Variants in LAMA1 observed in about 807,000 individuals in gnomAD.
The protein encoded by LAMA1 is laminin subunit alpha 1.
LAMA1 carries 219 observed loss-of-function variants against 348.7 expected under a neutral mutation model. That is an observed-to-expected ratio of 0.63 (90% CI 0.56 to 0.70). LAMA1 has a LOEUF of 0.70. Among genes scored for constraint, LAMA1 ranks in the 30% least tolerant of loss-of-function variants. The pLI is 0.00. For missense variants in LAMA1, 3,744 were observed against 3,888.0 expected, an observed-to-expected ratio of 0.96 and a Z score of 0.99; for synonymous variants, 1,487 against 1,491.0, an observed-to-expected ratio of 1.00 and a Z score of 0.06.
chr18:6,948,050 G>T (rs2057530100), intron 60 of LAMA1, among the ~76,000 whole-genome samples: 1 of 152,210 alleles, frequency 6.6e-6, no homozygotes, highest in Non-Finnish European at 1.5e-5. Flanking sequence ...CCTGGCGCCA[G>T]CTGGTCTAGA....
At chr18:7,029,988 A>AAC (rs2057961316) in intron 16 of LAMA1, among the ~76,000 whole-genome samples, 1 of 151,924 alleles carries the variant, frequency 6.6e-6, no homozygotes, top group Non-Finnish European at 1.5e-5. Flanking sequence ...AAAAAAAAAA[A>AAC]CCAGCAAGGT....
intron 8 of LAMA1, 114 bp downstream of exon 8, chr18:7,043,113 G>A (rs1434091659): frequency 9.2e-6 from 9 of 978,130 alleles, no homozygotes; most frequent in Non-Finnish European, 9.8e-6. Flanking sequence ...GGCATAACAA[G>A]GATATAAATG....
At chr18:7,085,089 A>G (rs2058209239) in intron 1 of LAMA1, among the ~76,000 whole-genome samples, 1 of 152,144 alleles carries the variant, frequency 6.6e-6, no homozygotes, top group South Asian at 2.1e-4. Flanking sequence ...ATCCATACTC[A>G]AAATCAAGGT....
At chr18:7,095,152 C>G (rs1265482167) in intron 1 of LAMA1, among the ~76,000 whole-genome samples, 1 of 111,398 alleles carries the variant, frequency 9.0e-6, no homozygotes, top group Non-Finnish European at 1.9e-5. Flanking sequence ...CTCTCTCTCT[C>G]TCTCTCCTCT....
intron 19 of LAMA1, among the ~76,000 whole-genome samples, chr18:7,020,548 T>C (rs2057910893): frequency 6.6e-6 from 1 of 152,152 alleles, no homozygotes; most frequent in African/African-American, 2.4e-5. Context: ...CACAGGACTT[T>C]GTCTCATCGA....
chr18:7,025,705 A>C (rs2057939482), intron 17 of LAMA1, among the ~76,000 whole-genome samples: 1 of 152,130 alleles, frequency 6.6e-6, no homozygotes, highest in Admixed American at 6.5e-5. Flanking sequence ...GACAACATAT[A>C]CTTGTGAAAC....
At chr18:7,043,980 C>A (rs2058031529) in intron 7 of LAMA1, among the ~76,000 whole-genome samples, 1 of 151,700 alleles carries the variant, frequency 6.6e-6, no homozygotes, top group Non-Finnish European at 1.5e-5. Context: ...ACAGTGAAAC[C>A]CCGTCTCTAC....
Position 7,046,486 on chromosome 18 carries a change from TA to T in LAMA1, c.769-120del, listed in dbSNP as rs1210474103. The T allele has an allele frequency of 3.3e-5, 20 of 610,662 alleles. No homozygotes were observed. The Admixed American group carries it at 5.6e-4, about 17-fold the overall frequency. The allele number at this position is 610,662 out of a possible 1,614,324, so 37.8% of individuals were successfully genotyped here. On this transcript the variant is annotated intron_variant, in intron 5 of 62. Transcript: ENST00000389658. Reference sequence around the variant, plus strand: ...GAGTTTTTATTGGTAATCTAAAATATAATTACATGTACATTTAAAAATTATA... The same window carrying T: ...GAGTTTTTATTGGTAATCTAAAATATATTACATGTACATTTAAAAATTATA...
chr18:7,117,149 C>T (rs1391816647), intron 1 of LAMA1, among the ~76,000 whole-genome samples: 5 of 152,222 alleles, frequency 3.3e-5, no homozygotes, highest in Non-Finnish European at 2.9e-5. Context: ...CTGCCAGGGG[C>T]CCCGAGGAAT....
At chr18:7,095,148 CT>C (rs2058255980) in intron 1 of LAMA1, among the ~76,000 whole-genome samples, 2 of 128,632 alleles carry the variant, frequency 1.6e-5, no homozygotes, top group African/African-American at 2.7e-5. Context: ...CTCTCTCTCT[CT>C]CTCTCTCTCC....
At chr18:6,997,246 T>C (rs978063792) in intron 33 of LAMA1, among the ~76,000 whole-genome samples, 3 of 152,034 alleles carry the variant, frequency 2.0e-5, no homozygotes, top group African/African-American at 7.2e-5. Context: ...GTATTTTTGG[T>C]AGAGATGGGG....
intron 23 of LAMA1, 62 bp downstream of exon 23, chr18:7,013,753 A>G: frequency 6.5e-7 from 1 of 1,541,058 alleles, no homozygotes; most frequent in Non-Finnish European, 8.9e-7. Context: ...AAGTAGTCAA[A>G]GCCCAGGAGT....
intron 20 of LAMA1, 27 bp downstream of exon 20, chr18:7,017,251 G>A (rs2057893078): frequency 6.4e-7 from 1 of 1,554,610 alleles, no homozygotes; most frequent in Non-Finnish European, 8.9e-7. Flanking sequence ...CCAAGGCTAA[G>A]GTGTCAATTA....
In LAMA1 at chr18:6,947,191, G is replaced by C. The variant is rs893022494; in HGVS notation, c.8816C>G (p.Ala2939Gly). 3 of 1,614,176 alleles carry C rather than the reference G, an allele frequency of 1.9e-6. No individual in the cohort carries two copies. The highest frequency in any genetic ancestry group is 2.5e-6 in the Non-Finnish European group (3 of 1,180,040). Residue 2939 changes from alanine (A) to glycine (G), a missense_variant, in exon 61 of 63, where the codon GCC becomes GGC. By Grantham distance (60) the Ala-to-Gly change is moderately conservative (BLOSUM62 0). This residue lies in a region of LAMA1 where 232 missense variants were observed against 264.4 expected (regional missense o/e 0.88). Transcript: ENST00000389658. ...GCCGTCCACAAGCTCTAGTCCAATG[G>C]CATCCACTTTGGCAGTGCTGATCCC... is the stretch of plus-strand genomic sequence containing the variant. ...LLGISTAKVD[A>G]IGLELVDGKV...
rs2058176492 is a variant in LAMA1 at position 7,078,009 on chromosome 18, A to C, written c.345+1966T>G. 2.1e-5 allele frequency among the ~76,000 whole-genome samples: 3 copies of C among 144,630 alleles called. No homozygotes were observed. In the East Asian group the frequency reaches 6.5e-4, roughly 31 times the overall value. The allele number at this position is 144,630 out of a possible 152,430, so 94.9% of individuals were successfully genotyped here. On this transcript the variant is annotated intron_variant, in intron 3 of 62. Transcript: ENST00000389658. ...AACCCGGGAGGCAGAGGTTGCAGTGAGCCAAGATCCAGCCACTGCACTCCA... is the reference window on the plus strand; with the variant it reads ...AACCCGGGAGGCAGAGGTTGCAGTGCGCCAAGATCCAGCCACTGCACTCCA...
chr18:7,080,890 A>G (rs1413364485), intron 1 of LAMA1, among the ~76,000 whole-genome samples: 2 of 152,228 alleles, frequency 1.3e-5, no homozygotes, highest in African/African-American at 4.8e-5. Context: ...ATACCAATGT[A>G]CATGCGGAAA....
intron 36 of LAMA1, among the ~76,000 whole-genome samples, chr18:6,990,706 G>T (rs1227344867): frequency 6.6e-6 from 1 of 152,122 alleles, no homozygotes; most frequent in African/African-American, 2.4e-5. Context: ...GCTAGACTTA[G>T]ATCTCGTTTC....
In LAMA1 at chr18:6,959,499, AG is replaced by A; in HGVS notation, c.7627-8del. 3 of 1,614,082 alleles carry A rather than the reference AG, an allele frequency of 1.9e-6. No individual in the cohort carries two copies. The highest frequency in any genetic ancestry group is 2.5e-6 in the Non-Finnish European group (3 of 1,179,992). On this transcript the variant is annotated splice_region_variant and splice_polypyrimidine_tract_variant and intron_variant, in intron 53 of 62. Coordinates refer to ENST00000389658, the MANE Select transcript of LAMA1 (RefSeq NM_005559.4). ...GCATGACGGAAAAGAAGGGCTGGGG[AG>A]GTTGCATAGAGAATTTCCCAGACAA... is the stretch of plus-strand genomic sequence containing the variant.
intron 42 of LAMA1, among the ~76,000 whole-genome samples, chr18:6,980,122 C>A (rs2057704203): frequency 6.6e-6 from 1 of 152,192 alleles, no homozygotes; most frequent in East Asian, 1.9e-4. Flanking sequence ...GCCAAGCGAG[C>A]AGTCTTCAGT....
Sources: allele counts gnomAD v4.1 joint callset (sites outside exome capture counted in the v4.1 genomes callset), GRCh38; gene constraint gnomAD v4.1.1; regional missense constraint gnomAD v4.1.1; transcripts MANE v1.5; gene names NCBI Gene and HGNC (gene_info 2026-07-23, HGNC 2026-07-21).